KLHDC7B: variants seen among roughly 807,000 people sequenced by gnomAD.
KLHDC7B encodes kelch domain-containing protein 7B.
A neutral mutation model predicts 0.6 loss-of-function variants in KLHDC7B; 1 was observed. The ratio of observed to expected loss-of-function variants is 1.71; its 90% CI spans 0.61 to 8.11. The LOEUF (loss-of-function observed/expected upper bound fraction) is 8.11. Ranked by LOEUF, KLHDC7B falls within the 30% of genes most tolerant of loss-of-function variation. The pLI is 0.13. For synonymous variants in KLHDC7B, 462 were observed against 405.2 expected, an observed-to-expected ratio of 1.14 and a Z score of -1.68; for missense variants, 993 against 894.9, an observed-to-expected ratio of 1.11 and a Z score of -1.40.
Position 50,548,472 on chromosome 22 carries a change from G to T in KLHDC7B, c.2229G>T (p.Arg743Ser). The T allele has an allele frequency of 6.3e-7, 1 of 1,578,544 alleles. No homozygotes were observed. Among genetic ancestry groups the T allele is most frequent in the Non-Finnish European group, 8.6e-7 (1 of 1,162,514 alleles). Residue 743 changes from arginine to serine, a missense_variant, in exon 1 of 1, where the codon AGG (arginine) becomes AGT (serine). Coordinates refer to ENST00000648057, the MANE Select transcript of KLHDC7B (RefSeq NM_138433.5). The surrounding 1 kb of genome is among the most constrained non-coding windows in gnomAD (Gnocchi z 5.3). ...CGCTGCCCCAAGCCGCGATGCCCAG[G>T]GGCCCCGCACAGCCCCCCGCGCAGA... ...LDPLPQAAMP[R>S]GPAQPPAQRP...
In KLHDC7B at chr22:50,550,172, CT is replaced by C. The variant is rs1164686346; in HGVS notation, c.*222del. Reference sequence around the variant, plus strand: ...ACTCCACACCCAGACTGTTTCCTGACTCAATTCCGTACCTACTTACAGACCC... The same window carrying C: ...ACTCCACACCCAGACTGTTTCCTGACCAATTCCGTACCTACTTACAGACCC... On this transcript the variant is annotated 3_prime_UTR_variant, in exon 1 of 1. Transcript: ENST00000648057. The C allele has an allele frequency of 1.9e-6, 1 of 520,734 alleles. No homozygotes were observed. The highest frequency in any genetic ancestry group is 1.9e-5 in the African/African-American group (1 of 51,380). The allele number at this position is 520,734 out of a possible 1,614,324, so 32.3% of individuals were successfully genotyped here.
Position 50,548,642 on chromosome 22 carries a change from C to T in KLHDC7B, c.2399C>T (p.Pro800Leu). ...AASGDPQGEA[P>L]GEGGSPAGRS... ...TCGGGGGACCCTCAAGGGGAGGCGC[C>T]GGGGGAGGGGGGCAGCCCTGCCGGC... is the stretch of plus-strand genomic sequence containing the variant. The change falls in exon 1 of 1, where the codon CCG becomes CTG. Residue 800 changes from proline to leucine, a missense_variant. By Grantham distance (98) the Pro-to-Leu change is moderately conservative. Coordinates refer to ENST00000648057, the MANE Select transcript of KLHDC7B (RefSeq NM_138433.5). This position sits in a 1 kb window ranked among gnomAD's most constrained non-coding sequence, Gnocchi z 5.3. 1 of 1,531,466 alleles carries T rather than the reference C, an allele frequency of 6.5e-7. No homozygotes were observed. 94.9% of individuals were successfully genotyped at this position (1,531,466 alleles called of 1,614,324 possible). A position where few individuals can be genotyped will look rare whatever the true frequency, so the allele number is the denominator to read the frequency against.
chr22:50,548,970 C>G lies in KLHDC7B; in HGVS notation c.2727C>G (p.Arg909=), dbSNP rs781092707. The stretch of plus-strand genomic sequence containing the variant: ...ACCGCCGGCTGAGCGCGGCCGACCG[C>G]GAGCGCATCCTCAGCCTGCGGACCG... ...CLYRRLSAAD[R]ERILSLRTGR... is the part of the protein sequence containing the mutation. The change falls in exon 1 of 1, where the codon CGC becomes CGG. Residue 909 remains arginine, a synonymous_variant. Transcript: ENST00000648057. The surrounding 1 kb of genome is among the most constrained non-coding windows in gnomAD (Gnocchi z 5.3). 2.5e-6 allele frequency: 4 copies of G among 1,598,100 alleles called. No homozygotes were observed. Among genetic ancestry groups the G allele is most frequent in the Middle Eastern group, 3.4e-4 (2 of 5,810 alleles).
Position 50,550,945 on chromosome 22 carries a change from CCT to C in KLHDC7B, c.*995_*996del, listed in dbSNP as rs2069801328. 3.2e-6 allele frequency: 1 copy of C among 311,204 alleles called. No homozygotes were observed. Among genetic ancestry groups the C allele is most frequent in the African/African-American group, 2.1e-5 (1 of 47,282 alleles). The allele number at this position is 311,204 out of a possible 1,614,324, so 19.3% of individuals were successfully genotyped here. On this transcript the variant is annotated 3_prime_UTR_variant, in exon 1 of 1. Coordinates refer to ENST00000648057, the MANE Select transcript of KLHDC7B (RefSeq NM_138433.5). ...CACTCCAACCTCCAGCCTGGATGTCCCTGTCTGGGCCCTTTTTCTGTTTTTTA... is the reference window on the plus strand; with the variant it reads ...CACTCCAACCTCCAGCCTGGATGTCCGTCTGGGCCCTTTTTCTGTTTTTTA...
Position 50,548,340 on chromosome 22 carries a change from G to A in KLHDC7B, c.2097G>A (p.Glu699=), listed in dbSNP as rs2069757231. The change falls in exon 1 of 1, where the codon GAG becomes GAA. Residue 699 remains glutamate (E), a synonymous_variant. Transcript: ENST00000648057. This position sits in a 1 kb window ranked among gnomAD's most constrained non-coding sequence, Gnocchi z 5.3. The part of the protein sequence containing the change: ...VIGTGTGGLV[E]AGGQPQPRSS... ...GGACAGGTACAGGGGGCCTGGTTGA[G>A]GCTGGAGGTCAGCCACAGCCAAGAA... 6.4e-7 allele frequency: 1 copy of A among 1,550,892 alleles called. No individual in the cohort carries two copies. Among genetic ancestry groups the A allele is most frequent in the East Asian group, 2.4e-5 (1 of 40,894 alleles).
Position 50,548,236 on chromosome 22 carries a change from G to T in KLHDC7B, c.1993G>T (p.Gly665Trp), listed in dbSNP as rs936521010. ...AGGGAGTGTCCCGAGGGCGGTTCCC[G>T]GGAGCCCCGTGGGTCCCAGCACTTC... ...PQGSVPRAVPGSPVGPSTSTH... is the reference protein window; with the variant it reads ...PQGSVPRAVPWSPVGPSTSTH... The change falls in exon 1 of 1, where the codon GGG becomes TGG. Residue 665 changes from glycine to tryptophan, a missense_variant. Coordinates refer to ENST00000648057, the MANE Select transcript of KLHDC7B (RefSeq NM_138433.5). This position sits in a 1 kb window ranked among gnomAD's most constrained non-coding sequence, Gnocchi z 5.3. 6.4e-7 allele frequency: 1 copy of T among 1,550,570 alleles called. No homozygotes were observed. The highest frequency in any genetic ancestry group is 8.7e-7 in the Non-Finnish European group (1 of 1,146,654).
chr22:50,547,666 G>C lies in KLHDC7B; in HGVS notation c.1423G>C (p.Ala475Pro). 2.4e-6 allele frequency: 1 copy of C among 414,012 alleles called. No individual in the cohort carries two copies. The highest frequency in any genetic ancestry group is 4.3e-6 in the Non-Finnish European group (1 of 235,022). 25.6% of individuals were successfully genotyped at this position (414,012 alleles called of 1,614,324 possible). A position where few individuals can be genotyped will look rare whatever the true frequency, so the allele number is the denominator to read the frequency against. ...AGCCTCAGCCCAAGTCTTAACTTCA[G>C]CTCCAGCCTCAGTCCTAGCCCCAGC... ...SSASAQVLTS[A>P]PASVLAPALA... The change falls in exon 1 of 1, where the codon GCT (alanine) becomes CCT (proline). Residue 475 changes from alanine to proline, a missense_variant. Coordinates refer to ENST00000648057, the MANE Select transcript of KLHDC7B (RefSeq NM_138433.5).
chr22:50,550,573 C>G lies in KLHDC7B; in HGVS notation c.*622C>G, dbSNP rs2069796393. Reference sequence around the variant, plus strand: ...CCCCCAGCCCACACCAGGCCAGGCCCACTCCGGGCTCACCACCCTCTGCAG... The same window carrying G: ...CCCCCAGCCCACACCAGGCCAGGCCGACTCCGGGCTCACCACCCTCTGCAG... On this transcript the variant is annotated 3_prime_UTR_variant, in exon 1 of 1. Coordinates refer to ENST00000648057, the MANE Select transcript of KLHDC7B (RefSeq NM_138433.5). 6.0e-6 allele frequency: 1 copy of G among 165,798 alleles called. No homozygotes were observed. The highest frequency in any genetic ancestry group is 1.5e-5 in the Non-Finnish European group (1 of 68,884). 10.3% of individuals were successfully genotyped at this position (165,798 alleles called of 1,614,324 possible).
rs766495674 is a variant in KLHDC7B at position 50,549,552 on chromosome 22, C to T, written c.3309C>T (p.Arg1103=). The T allele has an allele frequency of 6.9e-5, 111 of 1,599,022 alleles. No homozygotes were observed. Among genetic ancestry groups the T allele is most frequent in the Non-Finnish European group, 9.1e-5 (107 of 1,170,992 alleles). ...IYVTGGHLFY[R]LLRYSPVKDA... is the part of the protein sequence containing the mutation. ...TCACCGGGGGTCACCTCTTCTACCG[C>T]CTGCTCAGGTACAGCCCCGTGAAGG... Residue 1103 remains arginine (R), a synonymous_variant, in exon 1 of 1, where the codon CGC becomes CGT. Transcript: ENST00000648057.
Position 50,550,885 on chromosome 22 carries a change from C to A in KLHDC7B, c.*934C>A. 4.3e-6 allele frequency: 1 copy of A among 230,278 alleles called. No individual in the cohort carries two copies. Among genetic ancestry groups the A allele is most frequent in the Non-Finnish European group, 9.6e-6 (1 of 104,276 alleles). The allele number at this position is 230,278 out of a possible 1,614,324, so 14.3% of individuals were successfully genotyped here. A position where few individuals can be genotyped will look rare whatever the true frequency, so the allele number is the denominator to read the frequency against. ...TTTCTCCCCTTACGCACTTTGAAACCCATGCTAGAAAAGTGAATACATCTG... is the reference window on the plus strand; with the variant it reads ...TTTCTCCCCTTACGCACTTTGAAACACATGCTAGAAAAGTGAATACATCTG... On this transcript the variant is annotated 3_prime_UTR_variant, in exon 1 of 1. Coordinates refer to ENST00000648057, the MANE Select transcript of KLHDC7B (RefSeq NM_138433.5).
Position 50,547,170 on chromosome 22 carries a change from G to A in KLHDC7B, c.927G>A (p.Lys309=), listed in dbSNP as rs1416806190. ...PGSQTEGSGA[K]GGWSREASGV... The stretch of plus-strand genomic sequence containing the variant: ...CTCAGACGGAAGGCTCTGGGGCCAA[G>A]GGTGGCTGGAGCAGGGAGGCCTCGG... The change falls in exon 1 of 1, where the codon AAG becomes AAA. Residue 309 remains lysine, a synonymous_variant. Coordinates refer to ENST00000648057, the MANE Select transcript of KLHDC7B (RefSeq NM_138433.5). 6.6e-6 allele frequency among the ~76,000 whole-genome samples: 1 copy of A among 151,924 alleles called. No homozygotes were observed. The highest frequency in any genetic ancestry group is 1.9e-4 in the East Asian group (1 of 5,152).
In KLHDC7B at chr22:50,549,332, G is replaced by A. The variant is rs765993261; in HGVS notation, c.3089G>A (p.Arg1030Gln). 21 of 1,612,848 alleles carry A rather than the reference G, an allele frequency of 1.3e-5. 1 individual carries two copies. Among genetic ancestry groups the A allele is most frequent in the East Asian group, 2.2e-5 (1 of 44,876 alleles). The change falls in exon 1 of 1, where the codon CGG (arginine) becomes CAG (glutamine). Residue 1030 changes from arginine to glutamine, a missense_variant. Arg to Gln is a conservative substitution (Grantham distance 43). Transcript: ENST00000648057. ...NPLTNIWSQV[R>Q]PMQQARAQLK... ...CTGACCAACATCTGGAGCCAGGTTC[G>A]GCCCATGCAGCAGGCCCGAGCCCAG...
Position 50,549,744 on chromosome 22 carries a change from GCCC to G in KLHDC7B, c.3502_3504del (p.Pro1168del). ...GGAGCAGGGCTGCCTCCCTGCCCCT[GCCC>G]GCCCCCGCCCCACTGCACTGCACCA... On this transcript the variant is annotated inframe_deletion, in exon 1 of 1. Transcript: ENST00000648057. The G allele has an allele frequency of 5.1e-6, 8 of 1,554,432 alleles. No individual in the cohort carries two copies. Among genetic ancestry groups the G allele is most frequent in the Non-Finnish European group, 6.9e-6 (8 of 1,152,260 alleles).
Position 50,549,018 on chromosome 22 carries a change from C to A in KLHDC7B, c.2775C>A (p.Gly925=). The change falls in exon 1 of 1, where the codon GGC becomes GGA. Residue 925 remains glycine, a synonymous_variant. Coordinates refer to ENST00000648057, the MANE Select transcript of KLHDC7B (RefSeq NM_138433.5). ...CCGGCCGGGGCCGGGCGGTGCTGGG[C>A]GTCCTCGTACTGCCCAGCCTCTACC... ...LRTGRGRAVL[G]VLVLPSLYQG... 1.3e-6 allele frequency: 2 copies of A among 1,594,952 alleles called. No homozygotes were observed. Among genetic ancestry groups the A allele is most frequent in the Non-Finnish European group, 1.7e-6 (2 of 1,175,388 alleles).
chr22:50,550,890 C>A lies in KLHDC7B; in HGVS notation c.*939C>A, dbSNP rs1002496754. 4 of 237,822 alleles carry A rather than the reference C, an allele frequency of 1.7e-5. No individual in the cohort carries two copies. Among genetic ancestry groups the A allele is most frequent in the South Asian group, 7.6e-5 (1 of 13,128 alleles). 14.7% of individuals were successfully genotyped at this position (237,822 alleles called of 1,614,324 possible). A position where few individuals can be genotyped will look rare whatever the true frequency, so the allele number is the denominator to read the frequency against. Reference sequence around the variant, plus strand: ...CCCCTTACGCACTTTGAAACCCATGCTAGAAAAGTGAATACATCTGACTGT... The same window carrying A: ...CCCCTTACGCACTTTGAAACCCATGATAGAAAAGTGAATACATCTGACTGT... On this transcript the variant is annotated 3_prime_UTR_variant, in exon 1 of 1. Transcript: ENST00000648057.
rs767460205 is a variant in KLHDC7B at position 50,549,889 on chromosome 22, G to A, written c.3646G>A (p.Gly1216Arg). Residue 1216 changes from glycine to arginine, a missense_variant, in exon 1 of 1, where the codon GGG becomes AGG. By Grantham distance (125) the Gly-to-Arg change is moderately radical. Coordinates refer to ENST00000648057, the MANE Select transcript of KLHDC7B (RefSeq NM_138433.5). ...ELQPFPLGST[G>R]VLSPFILTLP... ...GCAGCCCTTCCCCTTGGGGAGCACCGGGGTCCTCAGTCCATTCATCCTGAC... is the reference window on the plus strand; with the variant it reads ...GCAGCCCTTCCCCTTGGGGAGCACCAGGGTCCTCAGTCCATTCATCCTGAC... 3.5e-5 allele frequency: 56 copies of A among 1,588,524 alleles called. No individual in the cohort carries two copies. The highest frequency in any genetic ancestry group is 1.7e-4 in the Middle Eastern group (1 of 6,022).
In KLHDC7B at chr22:50,549,738, GC is replaced by G; in HGVS notation, c.1576del (p.Leu526CysfsTer57). 1 of 1,588,690 alleles carries G rather than the reference GC, an allele frequency of 6.3e-7. No homozygotes were observed. ...GCTCCTGGAGCAGGGCTGCCTCCCTGCCCCTGCCCGCCCCCGCCCCACTGCA... is the reference window on the plus strand; with the variant it reads ...GCTCCTGGAGCAGGGCTGCCTCCCTGCCCTGCCCGCCCCCGCCCCACTGCA... On this transcript the variant is annotated frameshift_variant, in exon 1 of 1. Coordinates refer to the KLHDC7B transcript ENST00000395676. LOFTEE classifies it low-confidence loss of function (END_TRUNC).
rs989961759 is a variant in KLHDC7B, at chr22:50,547,832, C to T, written c.1589C>T (p.Pro530Leu). Reference protein sequence around the residue: ...PAPSPAAAATPAPAPVPVPTL... With the variant: ...PAPSPAAAATLAPAPVPVPTL... The stretch of plus-strand genomic sequence containing the variant: ...CCAAGTCCAGCTGCAGCCGCAACTC[C>T]AGCCCCAGCCCCAGTCCCAGTCCCA... Residue 530 changes from proline to leucine, a missense_variant, in exon 1 of 1, where the codon CCA (proline) becomes CTA (leucine). Physicochemically the swap from Pro to Leu is moderately conservative, Grantham distance 98. Coordinates refer to ENST00000648057, the MANE Select transcript of KLHDC7B (RefSeq NM_138433.5). Among the ~76,000 whole-genome samples, 21 of 151,222 alleles carry T rather than the reference C, an allele frequency of 1.4e-4. No individual in the cohort carries two copies. Among genetic ancestry groups the T allele is most frequent in the African/African-American group, 4.6e-4 (19 of 41,158 alleles).
upstream of KLHDC7B, chr22:50,547,442 CG>C (rs2069743488): frequency 2.7e-6 from 1 of 373,210 alleles, no homozygotes; most frequent in African/African-American, 2.1e-5. Flanking sequence ...CAAGCAAAGC[CG>C]GCTGCAGCCG....
Sources: gnomAD v4.1 joint callset for allele counts (sites outside exome capture counted in the v4.1 genomes callset) on GRCh38, gnomAD v4.1.1 for gene constraint, Gnocchi (gnomAD v3.1) non-coding constraint, MANE v1.5 for transcripts, NCBI Gene and HGNC (gene_info 2026-07-23, HGNC 2026-07-21) for gene names.